Variants in CYFIP2 observed in about 807,000 individuals in gnomAD.
The protein encoded by CYFIP2 is cytoplasmic FMR1-interacting protein 2.
A neutral mutation model predicts 158.7 loss-of-function variants in CYFIP2; 29 were observed. The ratio of observed to expected loss-of-function variants is 0.18; its 90% CI spans 0.14 to 0.25. CYFIP2 has a LOEUF of 0.25. CYFIP2 is among the 10% of genes least tolerant of loss of function. The pLI, the probability that CYFIP2 is intolerant of heterozygous loss-of-function variation, is 1.00. For missense variants in CYFIP2, 852 were observed against 1,639.5 expected (o/e 0.52, Z 8.29); for synonymous variants, 585 against 617.6 (o/e 0.95, Z 0.78).
At chr5:157,303,030 T>G in intron 7 of CYFIP2, 140 bp downstream of exon 7, 1 of 658,398 alleles carries the variant, frequency 1.5e-6, no homozygotes, top group South Asian at 2.0e-5. Flanking sequence ...GAGAGTGAAA[T>G]GTAGCTGAGG....
chr5:157,342,781 A>G, intron 23 of CYFIP2: 1 of 1,313,204 alleles, frequency 7.6e-7, no homozygotes, highest in Non-Finnish European at 1.0e-6. Flanking sequence ...AGAAATGGGT[A>G]GTCTATAGAC....
intron 10 of CYFIP2, 68 bp downstream of exon 10, chr5:157,309,902 C>CTGAAGTGG: frequency 5.0e-6 from 7 of 1,405,078 alleles, no homozygotes; most frequent in African/African-American, 1.4e-5. Context: ...AGCCGAGGGG[C>CTGAAGTGG]CACTTCAGCC....
chr5:157,294,337 G>T (rs951269125), intron 3 of CYFIP2, among the ~76,000 whole-genome samples: 50 of 152,232 alleles, frequency 3.3e-4, no homozygotes, highest in African/African-American at 1.2e-3. Context: ...AGTCAACTAT[G>T]TCAGATTTCT....
Position 157,326,195 on chromosome 5 carries a change from G to A in CYFIP2, c.2007G>A (p.Leu669=). The part of the protein sequence containing the change: ...MMEYVLYPLD[L]YNDSAYYALT... ...GGTATGTCCTCTACCCTCTGGATCT[G>A]TACAACGACAGCGCCTACTATGCTC... The change falls in exon 18 of 31, where the codon CTG becomes CTA. Residue 669 remains leucine (L), a synonymous_variant. Coordinates refer to ENST00000620254, the MANE Select transcript of CYFIP2 (RefSeq NM_001037333.3). 2.5e-6 allele frequency: 4 copies of A among 1,613,942 alleles called. No homozygotes were observed. The highest frequency in any genetic ancestry group is 3.4e-6 in the Non-Finnish European group (4 of 1,179,828).
chr5:157,288,662 A>G, intron 3 of CYFIP2: 2 of 454,474 alleles, frequency 4.4e-6, no homozygotes, highest in South Asian at 1.6e-5. Flanking sequence ...CCTGTGAGGT[A>G]GGTTCTATTA....
chr5:157,322,814 C>G, intron 15 of CYFIP2: 1 of 948,710 alleles, frequency 1.1e-6, no homozygotes, highest in Non-Finnish European at 1.6e-6. Flanking sequence ...CCCCGGCAGT[C>G]GCGGCGGCTT....
intron 13 of CYFIP2, among the ~76,000 whole-genome samples, chr5:157,317,339 G>C (rs1208279157): frequency 2.0e-5 from 3 of 152,160 alleles, no homozygotes; most frequent in Non-Finnish European, 2.9e-5. Flanking sequence ...CAAAGCAAAA[G>C]TAGTAACCTG....
intron 23 of CYFIP2, among the ~76,000 whole-genome samples, chr5:157,354,711 C>A (rs1763297808): frequency 1.3e-5 from 2 of 152,056 alleles, no homozygotes; most frequent in Non-Finnish European, 2.9e-5. Flanking sequence ...GAATCCAAGA[C>A]TGACATAGGA....
At chr5:157,332,231 C>T (rs958781150) in intron 20 of CYFIP2, among the ~76,000 whole-genome samples, 2 of 152,208 alleles carry the variant, frequency 1.3e-5, no homozygotes, top group African/African-American at 4.8e-5. Flanking sequence ...TTCAAGCCTA[C>T]AGGGAAGTTG....
At chr5:157,377,237 G>T (rs1346695577) in intron 26 of CYFIP2, among the ~76,000 whole-genome samples, 4 of 151,980 alleles carry the variant, frequency 2.6e-5, no homozygotes, top group Non-Finnish European at 1.5e-5. Flanking sequence ...ATCTAAGAGA[G>T]GCTTAGAAGA....
At chr5:157,358,849 CTA>C (rs1459872291) in intron 23 of CYFIP2, among the ~76,000 whole-genome samples, 154 bp from the exon 24 acceptor site, 2 of 152,246 alleles carry the variant, frequency 1.3e-5, no homozygotes, top group African/African-American at 4.8e-5. Flanking sequence ...ACACCTCTCT[CTA>C]TGACCACCAT....
intron 4 of CYFIP2, chr5:157,296,404 G>A: frequency 2.3e-6 from 1 of 430,826 alleles, no homozygotes; most frequent in South Asian, 1.8e-5. Context: ...GACTAGCCTG[G>A]GCAACATAGT....
intron 21 of CYFIP2, among the ~76,000 whole-genome samples, chr5:157,334,610 C>A (rs972864938): frequency 6.6e-6 from 1 of 151,864 alleles, no homozygotes; most frequent in Admixed American, 6.6e-5. Flanking sequence ...TTGTTATCAA[C>A]ATATATTCTT....
rs527465840 is a variant in CYFIP2 at position 157,325,920 on chromosome 5, T to G, written c.1983-251T>G. Reference sequence around the variant, plus strand: ...GGAGCAGGTAGCTTGTATTCTTAACTGCTACCTGATGTGTTTTAGTCCCAA... The same window carrying G: ...GGAGCAGGTAGCTTGTATTCTTAACGGCTACCTGATGTGTTTTAGTCCCAA... On this transcript the variant is annotated intron_variant, in intron 17 of 30. Coordinates refer to ENST00000620254, the MANE Select transcript of CYFIP2 (RefSeq NM_001037333.3). The G allele has an allele frequency of 3.2e-4, 173 of 542,986 alleles. 2 individuals carry two copies. The highest frequency in any genetic ancestry group is 3.0e-3 in the African/African-American group (157 of 52,900). 33.6% of individuals were successfully genotyped at this position (542,986 alleles called of 1,614,324 possible).
At chr5:157,293,973 C>T (rs1339380249) in intron 3 of CYFIP2, among the ~76,000 whole-genome samples, 1 of 152,002 alleles carries the variant, frequency 6.6e-6, no homozygotes, top group East Asian at 1.9e-4. Flanking sequence ...AGTCGAGTCC[C>T]AAAAGTCCAG....
chr5:157,382,656 A>G lies in CYFIP2; in HGVS notation c.3106A>G (p.Ile1036Val), dbSNP rs1382834588. 2 of 1,613,798 alleles carry G rather than the reference A, an allele frequency of 1.2e-6. No homozygotes were observed. The change falls in exon 27 of 31, where the codon ATC becomes GTC. Residue 1036 changes from isoleucine (I) to valine (V), a missense_variant. Transcript: ENST00000620254. ...PFQNILPRVY[I>V]KEGERLEVRM... ...CCAAAACATCTTGCCTAGAGTCTAC[A>G]TCAAAGGTAAGAAACCACTACAGCA...
chr5:157,327,682 AGTCT>A (rs1328749806), intron 18 of CYFIP2, among the ~76,000 whole-genome samples: 1 of 152,208 alleles, frequency 6.6e-6, no homozygotes, highest in Non-Finnish European at 1.5e-5. Flanking sequence ...GGGTTCTGAC[AGTCT>A]GTCTGTTGCA....
chr5:157,278,518 A>T (rs553064197), intron 1 of CYFIP2, among the ~76,000 whole-genome samples: 5 of 152,228 alleles, frequency 3.3e-5, no homozygotes, highest in African/African-American at 4.8e-5. Context: ...CCACTAGCTG[A>T]CCATGTGACC....
chr5:157,335,604 T>TA (rs773806878), intron 21 of CYFIP2, among the ~76,000 whole-genome samples: 2 of 152,028 alleles, frequency 1.3e-5, no homozygotes, highest in Non-Finnish European at 2.9e-5. Context: ...GAGAGAAAAA[T>TA]AAATTTGGGG....
Sources: gnomAD v4.1 joint callset for allele counts (sites outside exome capture counted in the v4.1 genomes callset) on GRCh38, gnomAD v4.1.1 for gene constraint, MANE v1.5 for transcripts, NCBI Gene and HGNC (gene_info 2026-07-23, HGNC 2026-07-21) for gene names.